KIF7: variants seen among roughly 807,000 people sequenced by gnomAD.
KIF7 encodes kinesin-like protein KIF7.
KIF7 carries 104 observed loss-of-function variants against 135.7 expected under a neutral mutation model. The observed-to-expected ratio is 0.77, with a 90% CI of 0.65 to 0.90. KIF7 has a LOEUF of 0.90. Among genes scored for constraint, KIF7 ranks in the 40% least tolerant of loss-of-function variants. The pLI is 0.00. For synonymous variants in KIF7, 883 were observed against 809.4 expected, an observed-to-expected ratio of 1.09 and a Z score of -1.54; for missense variants, 2,005 against 1,839.1, an observed-to-expected ratio of 1.09 and a Z score of -1.65.
At chr15:89,633,551 A>C in intron 12 of KIF7, 135 bp downstream of exon 12, 1 of 992,388 alleles carries the variant, frequency 1.0e-6, no homozygotes, top group Non-Finnish European at 1.5e-6. Flanking sequence ...ATGAAAAAAC[A>C]GACTCAGGCT....
rs776875275 is a variant in KIF7, at chr15:89,647,700, C to A, written c.1456G>T (p.Ala486Ser). 12 of 1,577,244 alleles carry A rather than the reference C, an allele frequency of 7.6e-6. No individual in the cohort carries two copies. The Admixed American group carries it at 1.3e-4, about 17-fold the overall frequency. Residue 486 changes from alanine to serine, a missense_variant, in exon 6 of 19, where the codon GCG becomes TCG. By Grantham distance (99) the Ala-to-Ser change is moderately conservative. Coordinates refer to ENST00000394412, the MANE Select transcript of KIF7 (RefSeq NM_198525.3). Reference protein sequence around the residue: ...GAGGRKEDEGAQQLLTLQNQV... With the variant: ...GAGGRKEDEGSQQLLTLQNQV... ...TTCTGCAGGGTCAGCAGCTGCTGCG[C>A]CCCCTCATCCTCCTATAGGGCAGGG...
At chr15:89,638,707 T>C (rs1435564320) in intron 11 of KIF7, among the ~76,000 whole-genome samples, 4 of 150,952 alleles carry the variant, frequency 2.6e-5, no homozygotes, top group Non-Finnish European at 5.9e-5. Context: ...ATCATGAAAA[T>C]GGCCATACTG....
At chr15:89,625,889 G>A (rs199510924), downstream of KIF7, 1,185 of 1,543,698 alleles carry the variant, frequency 7.7e-4, no homozygotes, top group Admixed American at 9.8e-4. Context: ...TGGGCTTCCC[G>A]GTTGGGGGTC....
chr15:89,631,473 GA>G, intron 15 of KIF7, 21 bp downstream of exon 15: 2 of 1,548,200 alleles, frequency 1.3e-6, no homozygotes, highest in Non-Finnish European at 1.7e-6. Context: ...CCAAGGGGCT[GA>G]GCCATGGGGC....
chr15:89,652,702 G>A lies in KIF7; in HGVS notation c.229C>T (p.Pro77Ser). Residue 77 changes from proline to serine, a missense_variant, in exon 2 of 19, where the codon CCC (proline) becomes TCC (serine). Pro to Ser is a moderately conservative substitution (Grantham distance 74). Coordinates refer to ENST00000394412, the MANE Select transcript of KIF7 (RefSeq NM_198525.3). ...CCCTCGAAGAAGGCCTCAAGGAGGGGCTGAACGCAGGCCTGGTACACGGCC... is the reference window on the plus strand; with the variant it reads ...CCCTCGAAGAAGGCCTCAAGGAGGGACTGAACGCAGGCCTGGTACACGGCC... ...QEAVYQACVQ[P>S]LLEAFFEGFN... 1.9e-6 allele frequency: 3 copies of A among 1,551,774 alleles called. No individual in the cohort carries two copies. Among genetic ancestry groups the A allele is most frequent in the Non-Finnish European group, 2.6e-6 (3 of 1,146,974 alleles).
chr15:89,618,272 T>G, intron 1 of KIF7: 1 of 1,456,998 alleles, frequency 6.9e-7, no homozygotes, highest in Non-Finnish European at 9.6e-7. Flanking sequence ...AACCTTTCTG[T>G]ATGTATTGTT....
chr15:89,635,169 C>A (rs1051822717), intron 11 of KIF7, among the ~76,000 whole-genome samples: 43 of 152,162 alleles, frequency 2.8e-4, no homozygotes, highest in African/African-American at 9.9e-4. Flanking sequence ...CACCAAAAAC[C>A]CATCTGTACA....
rs866263999 is a variant in KIF7 at position 89,636,127 on chromosome 15, T to C, written c.2395-2244A>G. On this transcript the variant is annotated intron_variant, in intron 11 of 18. Coordinates refer to ENST00000394412, the MANE Select transcript of KIF7 (RefSeq NM_198525.3). ...AAAATACTTTACAGACAAGCAAATG[T>C]TGAGAGATTTTGTCACACCCAGGCC... Among the ~76,000 whole-genome samples, 6 of 151,668 alleles carry C rather than the reference T, an allele frequency of 4.0e-5. 1 individual carries two copies. In the Middle Eastern group the frequency reaches 0.01, roughly 258 times the overall value.
chr15:89,626,403 T>A, downstream of KIF7, among the ~76,000 whole-genome samples: 1 of 152,168 alleles, frequency 6.6e-6, no homozygotes. Context: ...TAGAGCTAGT[T>A]CCCCACAGCG....
At chr15:89,652,529 A>T in intron 2 of KIF7, 74 bp downstream of exon 2, 1 of 1,152,376 alleles carries the variant, frequency 8.7e-7, no homozygotes. Context: ...AGGCAGCAAG[A>T]GGACAAGGCA....
chr15:89,653,313 A>G (rs1367160408), intron 1 of KIF7, among the ~76,000 whole-genome samples: 1 of 152,016 alleles, frequency 6.6e-6, no homozygotes, highest in African/African-American at 2.4e-5. Flanking sequence ...CCTAACACCC[A>G]CTGGGTTTAC....
At position 89,649,375 on chromosome 15, in the gene KIF7, C is replaced by G; in HGVS notation, c.530-8G>C. ...CCTTCACCCCGCACAGCACTGCGGG[C>G]ACAGAAGGCCGTGAGCCCCAGGGCA... On this transcript the variant is annotated splice_region_variant and splice_polypyrimidine_tract_variant and intron_variant, in intron 3 of 18. Transcript: ENST00000394412. 3 of 1,450,050 alleles carry G rather than the reference C, an allele frequency of 2.1e-6. No homozygotes were observed. In the South Asian group the frequency reaches 4.4e-5, roughly 21 times the overall value. The allele number at this position is 1,450,050 out of a possible 1,614,324, so 89.8% of individuals were successfully genotyped here.
At chr15:89,624,772 G>C (rs1490301928), downstream of KIF7, 2 of 1,614,176 alleles carry the variant, frequency 1.2e-6, no homozygotes, top group Non-Finnish European at 1.7e-6. Context: ...AGTGGAAGAG[G>C]GTGAGGGGCT....
At chr15:89,644,086 T>G (rs1398704164) in intron 10 of KIF7, among the ~76,000 whole-genome samples, 1 of 152,126 alleles carries the variant, frequency 6.6e-6, no homozygotes, top group African/African-American at 2.4e-5. Flanking sequence ...TGTGGAAAAC[T>G]CTTGGTAACT....
chr15:89,633,586 G>A (rs1596068535), intron 12 of KIF7, 100 bp downstream of exon 12: 17 of 1,277,182 alleles, frequency 1.3e-5, no homozygotes, highest in Admixed American at 6.0e-5. Flanking sequence ...CTAAGGTCAC[G>A]TGGCTGTGGG....
In KIF7 at chr15:89,617,980, C is replaced by T. The variant is rs530479624; in HGVS notation, c.*75+49G>A. The T allele has an allele frequency of 4.3e-5, 31 of 720,850 alleles. No individual in the cohort carries two copies. The South Asian group carries it at 5.0e-4, about 12-fold the overall frequency. The allele number at this position is 720,850 out of a possible 1,614,324, so 44.7% of individuals were successfully genotyped here. A position where few individuals can be genotyped will look rare whatever the true frequency, so the allele number is the denominator to read the frequency against. On this transcript the variant is annotated intron_variant and NMD_transcript_variant, in intron 2 of 2. Transcript: ENST00000558928. ...GTGCTGGGATTACAGGCGTGAGACA[C>T]TGTGGCCAGCCTCCCTCTTGACAAT...
chr15:89,640,306 A>AAAT (rs58183714), intron 11 of KIF7, among the ~76,000 whole-genome samples: 6 of 151,162 alleles, frequency 4.0e-5, no homozygotes, highest in African/African-American at 1.2e-4. Flanking sequence ...AATAAATTAA[A>AAAT]AATAATAATA....
Position 89,645,941 on chromosome 15 carries a change from T to C in KIF7, c.1874A>G (p.Glu625Gly), listed in dbSNP as rs1260155163. The C allele has an allele frequency of 6.2e-7, 1 of 1,613,854 alleles. No homozygotes were observed. The highest frequency in any genetic ancestry group is 1.3e-5 in the African/African-American group (1 of 75,022). ...GGGCGGCTCCTCCTCCTCCTCTTCC[T>C]CCTCTGAAGCAGCTGAAGAGCCACT... is the stretch of plus-strand genomic sequence containing the variant. ...LGSGSSAASE[E>G]EEEEEEPPRR... The change falls in exon 8 of 19, where the codon GAG becomes GGG. Residue 625 changes from glutamate to glycine, a missense_variant. Transcript: ENST00000394412.
chr15:89,652,244 C>A (rs139513770), intron 2 of KIF7, among the ~76,000 whole-genome samples: 1 of 152,292 alleles, frequency 6.6e-6, no homozygotes, highest in Non-Finnish European at 1.5e-5. Context: ...GGCCCCCATT[C>A]CCAACTGCTC....
Sources: gnomAD v4.1 joint callset for allele counts (sites outside exome capture counted in the v4.1 genomes callset) on GRCh38, gnomAD v4.1.1 for gene constraint, MANE v1.5 for transcripts, NCBI Gene and HGNC (gene_info 2026-07-23, HGNC 2026-07-21) for gene names.